Variants in WT1 observed in about 807,000 individuals in gnomAD.
WT1 encodes Wilms tumor protein.
Under a neutral mutation model 60.8 loss-of-function variants are expected in WT1, and 8 were observed. That is an observed-to-expected ratio of 0.13 (90% confidence interval 0.08 to 0.24). The LOEUF (loss-of-function observed/expected upper bound fraction) is 0.24, where lower values mean the gene tolerates loss of function less well. Ranked by LOEUF, WT1 falls within the 10% of genes least tolerant of loss-of-function variation. The pLI is 1.00. For missense variants in WT1, 568 were observed against 711.8 expected, an observed-to-expected ratio of 0.80 and a Z score of 2.30; for synonymous variants, 312 against 297.1, an observed-to-expected ratio of 1.05 and a Z score of -0.52.
chr11:32,430,699 T>C, intron 1 of WT1: 3 of 1,424,748 alleles, frequency 2.1e-6, no homozygotes, highest in Non-Finnish European at 2.7e-6. Flanking sequence ...AGGATGCCCG[T>C]GGCCCGCGAG....
intron 5 of WT1, among the ~76,000 whole-genome samples, chr11:32,402,954 G>A (rs1242939590): frequency 6.6e-6 from 1 of 152,168 alleles, no homozygotes; most frequent in African/African-American, 2.4e-5. Context: ...GCTAAGCTCT[G>A]GGTGTTAGCT....
At chr11:32,400,731 TGAAAG>T (rs1852129190) in intron 5 of WT1, 1 of 160,208 alleles carries the variant, frequency 6.2e-6, no homozygotes, top group Non-Finnish European at 1.4e-5. Flanking sequence ...AAGGACAACT[TGAAAG>T]GAACGAATGT....
At chr11:32,390,423 C>A (rs1851782175) in intron 9 of WT1, among the ~76,000 whole-genome samples, 1 of 152,042 alleles carries the variant, frequency 6.6e-6, no homozygotes, top group Non-Finnish European at 1.5e-5. Flanking sequence ...ACTTTGCCAC[C>A]GAATTATGAG....
intron 5 of WT1, among the ~76,000 whole-genome samples, chr11:32,414,254 T>C (rs897254100): frequency 6.6e-6 from 1 of 152,204 alleles, no homozygotes; most frequent in Admixed American, 6.5e-5. Context: ...TCGAGAAATA[T>C]ACATATATAT....
At chr11:32,405,524 T>C (rs1231681042) in intron 5 of WT1, among the ~76,000 whole-genome samples, 1 of 149,044 alleles carries the variant, frequency 6.7e-6, no homozygotes, top group Admixed American at 6.7e-5. Context: ...AAAATATATG[T>C]TGAATATATA....
Position 32,434,901 on chromosome 11 carries a change from C to T in WT1, c.460G>A (p.Ala154Thr), listed in dbSNP as rs2133103164. 3 of 1,611,138 alleles carry T rather than the reference C, an allele frequency of 1.9e-6. No homozygotes were observed. The highest frequency in any genetic ancestry group is 2.5e-6 in the Non-Finnish European group (3 of 1,179,510). ...AGGCACTGCTCCTCGTGCGGCTCCG[C>T]GCCGCCCCAGCTCGGCTCCTGTTTG... The change falls in exon 1 of 10, where the codon GCG becomes ACG. Residue 154 changes from alanine to threonine, a missense_variant. Physicochemically the swap from Ala to Thr is moderately conservative, Grantham distance 58. Coordinates refer to ENST00000452863, the MANE Select transcript of WT1 (RefSeq NM_024426.6).
intron 5 of WT1, among the ~76,000 whole-genome samples, chr11:32,403,152 G>T (rs972662788): frequency 1.3e-5 from 2 of 150,946 alleles, no homozygotes; most frequent in African/African-American, 4.8e-5. Flanking sequence ...CAAGGTCCAT[G>T]AGGAAAAAAA....
At chr11:32,411,930 A>G (rs1251050368) in intron 5 of WT1, among the ~76,000 whole-genome samples, 1 of 152,200 alleles carries the variant, frequency 6.6e-6, no homozygotes, top group Non-Finnish European at 1.5e-5. Context: ...AAACGGTGGA[A>G]AATTAATAAC....
At chr11:32,406,671 A>G (rs558575595) in intron 5 of WT1, among the ~76,000 whole-genome samples, 1 of 152,340 alleles carries the variant, frequency 6.6e-6, no homozygotes, top group South Asian at 2.1e-4. Flanking sequence ...AAATAAGCAG[A>G]AGCAGTTATC....
chr11:32,430,204 TC>T (rs2133083104), intron 1 of WT1, among the ~76,000 whole-genome samples: 1 of 152,144 alleles, frequency 6.6e-6, no homozygotes, highest in South Asian at 2.1e-4. Context: ...TCCATTTCTC[TC>T]CTGCTAAGTG....
rs756501972 is a variant in WT1 at position 32,434,775 on chromosome 11, C to T, written c.586G>A (p.Gly196Ser). The change falls in exon 1 of 10, where the codon GGC (glycine) becomes AGC (serine). Residue 196 changes from glycine to serine, a missense_variant. Gly to Ser is a moderately conservative substitution (Grantham distance 56). This residue lies in a region of WT1 where 523 missense variants were observed against 565.1 expected (regional missense o/e 0.93). Transcript: ENST00000452863. ...GCGTTAGGAAACATCCTGGCCTGGC[C>T]GGATGACGCCTGGCTGGGCGGAGGA... The T allele has an allele frequency of 5.0e-6, 8 of 1,612,718 alleles. No homozygotes were observed. The Admixed American group carries it at 5.0e-5, about 10-fold the overall frequency.
rs564706633 is a variant in WT1 at position 32,434,970 on chromosome 11, G to T, written c.391C>A (p.Pro131Thr). 6.5e-7 allele frequency: 1 copy of T among 1,536,862 alleles called. No individual in the cohort carries two copies. Among genetic ancestry groups the T allele is most frequent in the African/African-American group, 1.4e-5 (1 of 73,022 alleles). The change falls in exon 1 of 10, where the codon CCG becomes ACG. Residue 131 changes from proline (P) to threonine (T), a missense_variant. Around this residue, in one of 3 missense-constraint regions of WT1, gnomAD observed 523 missense variants for 565.1 expected, o/e 0.93. Coordinates refer to ENST00000452863, the MANE Select transcript of WT1 (RefSeq NM_024426.6). ...GGCGGCGGGGGTGGCGGCGGAGCCG[G>T]TGGCGGCGCGGGGCCGCCCAACGAC...
At chr11:32,402,002 G>A (rs1564977416) in intron 5 of WT1, among the ~76,000 whole-genome samples, 2 of 152,116 alleles carry the variant, frequency 1.3e-5, no homozygotes, top group African/African-American at 2.4e-5. Flanking sequence ...GTGTGGTGTG[G>A]GGAAGCCTGG....
intron 1 of WT1, among the ~76,000 whole-genome samples, chr11:32,433,739 G>C (rs1853386353): frequency 6.6e-6 from 1 of 152,224 alleles, no homozygotes; most frequent in Middle Eastern, 3.2e-3. Flanking sequence ...AGGTGGGCGG[G>C]CATCGGCGCG....
At chr11:32,430,455 GGAGAGAGAGAGAGAGAGAGA>G (rs529663782) in intron 1 of WT1, 14 of 898,582 alleles carry the variant, frequency 1.6e-5, no homozygotes, top group African/African-American at 8.1e-5. Context: ...AGAGAGGGAG[GGAGAGAGAGAGAGAGAGAGA>G]GAGAGAGAGA....
intron 8 of WT1, 88 bp from the exon 9 acceptor site, chr11:32,392,152 C>T: frequency 8.6e-7 from 1 of 1,160,536 alleles, no homozygotes; most frequent in Non-Finnish European, 1.3e-6. Context: ...CTGGAGGAGC[C>T]CAGCATTTCC....
chr11:32,390,029 G>A (rs1851770977), intron 9 of WT1, among the ~76,000 whole-genome samples: 1 of 152,134 alleles, frequency 6.6e-6, no homozygotes, highest in African/African-American at 2.4e-5. Flanking sequence ...CCACTCTACA[G>A]ATGAGGTAGG....
chr11:32,411,990 A>G (rs1590365883), intron 5 of WT1, among the ~76,000 whole-genome samples: 2 of 152,220 alleles, frequency 1.3e-5, no homozygotes, highest in African/African-American at 2.4e-5. Context: ...TGATATTCAC[A>G]GAACTGAGGC....
chr11:32,416,866 T>C (rs192102316), intron 4 of WT1, among the ~76,000 whole-genome samples: 1 of 152,202 alleles, frequency 6.6e-6, no homozygotes, highest in Non-Finnish European at 1.5e-5. Context: ...TTAGCTCTCA[T>C]GAGAGTGTTG....
Sources: allele counts gnomAD v4.1 joint callset (sites outside exome capture counted in the v4.1 genomes callset), GRCh38; gene constraint gnomAD v4.1.1; regional missense constraint gnomAD v4.1.1; transcripts MANE v1.5; gene names NCBI Gene and HGNC (gene_info 2026-07-23, HGNC 2026-07-21).